COL2A1: variants seen among roughly 807,000 people sequenced by gnomAD.
The protein encoded by COL2A1 is collagen type II alpha 1 chain.
In COL2A1, 28 loss-of-function variants were observed where a neutral mutation model predicts 204.5. The ratio of observed to expected loss-of-function variants is 0.14; its 90% CI spans 0.10 to 0.19. The LOEUF (loss-of-function observed/expected upper bound fraction) is 0.19. Among genes scored for constraint, COL2A1 ranks in the 10% least tolerant of loss-of-function variants. The pLI, the probability that COL2A1 is intolerant of heterozygous loss-of-function variation, is 1.00. For synonymous variants in COL2A1, 708 were observed against 718.7 expected, an observed-to-expected ratio of 0.99 and a Z score of 0.24; for missense variants, 1,388 against 2,027.5, an observed-to-expected ratio of 0.68 and a Z score of 6.06.
Position 47,985,785 on chromosome 12 carries a change from G to A in COL2A1, c.1623C>T (p.Pro541=), listed in dbSNP as rs770713408. ...GGCCAGGGTCACCGTTGGCTCCCTT[G>A]GGGCCAGCAAGACCACTGGGCCCTC... is the stretch of plus-strand genomic sequence containing the variant. The part of the protein sequence containing the change: ...GERGPSGLAG[P]KGANGDPGRP... Residue 541 remains proline, a synonymous_variant, in exon 25 of 54, where the codon CCC becomes CCT. Transcript: ENST00000380518. 2.5e-6 allele frequency: 4 copies of A among 1,613,310 alleles called. No individual in the cohort carries two copies. The African/African-American group carries it at 5.3e-5, about 22-fold the overall frequency.
chr12:47,976,452 T>C lies in COL2A1; in HGVS notation c.3489+62A>G. The stretch of plus-strand genomic sequence containing the variant: ...AGAAGCAGCAGCATTTCCCTCCCCA[T>C]GGGAACACAGGCCCACACTCTCTGA... On this transcript the variant is annotated intron_variant, in intron 49 of 53. Coordinates refer to ENST00000380518, the MANE Select transcript of COL2A1 (RefSeq NM_001844.5). This position sits in a 1 kb window ranked among gnomAD's most constrained non-coding sequence, Gnocchi z 4.3. 6.4e-7 allele frequency: 1 copy of C among 1,568,048 alleles called. No homozygotes were observed. The highest frequency in any genetic ancestry group is 8.8e-7 in the Non-Finnish European group (1 of 1,138,372).
rs762500766 is a variant in COL2A1 at position 47,976,617 on chromosome 12, T to C, written c.3436-50A>G. 6.3e-7 allele frequency: 1 copy of C among 1,588,078 alleles called. No homozygotes were observed. The highest frequency in any genetic ancestry group is 8.6e-7 in the Non-Finnish European group (1 of 1,156,542). ...GCCACGGTCAGCACAGACATATCTA[T>C]CTATATTCTGGGAGCTGGGGGAACA... On this transcript the variant is annotated intron_variant, in intron 48 of 53. Transcript: ENST00000380518. This position sits in a 1 kb window ranked among gnomAD's most constrained non-coding sequence, Gnocchi z 4.3.
At chr12:47,996,711 A>T (rs2136622878) in intron 7 of COL2A1, 86 bp from the exon 8 acceptor site, 1 of 1,010,466 alleles carries the variant, frequency 9.9e-7, no homozygotes. Context: ...GGATACAAAG[A>T]ACTCTACTGA....
At chr12:47,977,205 G>T (rs41272753) in intron 46 of COL2A1, 50 bp from the exon 47 acceptor site, 1 of 1,603,124 alleles carries the variant, frequency 6.2e-7, no homozygotes, top group Non-Finnish European at 8.5e-7. Context: ...ACAGGTGGGG[G>T]CCTCCTCTGC....
chr12:47,974,458 T>C, intron 52 of COL2A1, 127 bp from the exon 53 acceptor site: 5 of 1,372,424 alleles, frequency 3.6e-6, no homozygotes, highest in Non-Finnish European at 5.0e-6. Context: ...GGGAGCTAGT[T>C]GGACATTTTT....
chr12:47,996,765 T>A, intron 7 of COL2A1, 140 bp from the exon 8 acceptor site: 1 of 783,758 alleles, frequency 1.3e-6, no homozygotes. Flanking sequence ...TTGATCAGAA[T>A]TACCACTGAT....
At chr12:47,997,056 T>G (rs2226946) in intron 7 of COL2A1, among the ~76,000 whole-genome samples, 83,776 of 152,010 alleles carry the variant, frequency 0.55, 24,346 homozygotes, top group Non-Finnish European at 0.67. Flanking sequence ...GCATCTGTGA[T>G]CCCATTTGAG....
rs140985224 is a variant in COL2A1 at position 47,987,143 on chromosome 12, G to A, written c.1300C>T (p.Pro434Ser). The change falls in exon 21 of 54, where the codon CCT (proline) becomes TCT (serine). Residue 434 changes from proline to serine, a missense_variant. Physicochemically the swap from Pro to Ser is moderately conservative, Grantham distance 74. Around this residue, in one of 3 missense-constraint regions of COL2A1, gnomAD observed 884 missense variants for 1,415.8 expected, o/e 0.62. Transcript: ENST00000380518. The surrounding 1 kb of genome is among the most constrained non-coding windows in gnomAD (Gnocchi z 4.1). ...GGGCCAGGAGGGCCCCGTGGCCCAG[G>A]GAAGCCAGGAGCACCAGCAATGCCA... is the stretch of plus-strand genomic sequence containing the variant. ...APGIAGAPGFPGPRGPPGPQG... is the reference protein window; with the variant it reads ...APGIAGAPGFSGPRGPPGPQG... 7.4e-4 allele frequency: 1,191 copies of A among 1,614,142 alleles called. 1 individual carries two copies. The highest frequency in any genetic ancestry group is 9.6e-4 in the Non-Finnish European group (1,127 of 1,180,014).
chr12:47,987,497 C>G lies in COL2A1; in HGVS notation c.1221+114G>C, dbSNP rs1427219323. ...TCTAGAGGTGGGGACAGGCATTGGG[C>G]CAGAATGAAGGTTTGGTGGTTGGAG... On this transcript the variant is annotated intron_variant, in intron 19 of 53. Transcript: ENST00000380518. The surrounding 1 kb of genome is among the most constrained non-coding windows in gnomAD (Gnocchi z 4.1). The G allele has an allele frequency of 9.0e-7, 1 of 1,109,592 alleles. No individual in the cohort carries two copies. The highest frequency in any genetic ancestry group is 1.6e-5 in the African/African-American group (1 of 64,470). 68.7% of individuals were successfully genotyped at this position (1,109,592 alleles called of 1,614,324 possible).
At chr12:47,975,724 G>T in intron 50 of COL2A1, 119 bp from the exon 51 acceptor site, 1 of 1,148,502 alleles carries the variant, frequency 8.7e-7, no homozygotes, top group Non-Finnish European at 1.3e-6. Context: ...TGGGGCGGAG[G>T]TGTAGCAGGC....
At position 47,980,920 on chromosome 12, in the gene COL2A1, G is replaced by T; in HGVS notation, c.2512C>A (p.Pro838Thr). 2 of 1,552,690 alleles carry T rather than the reference G, an allele frequency of 1.3e-6. No homozygotes were observed. Among genetic ancestry groups the T allele is most frequent in the Non-Finnish European group, 1.7e-6 (2 of 1,147,672 alleles). ...GGATGGACAGAGATACTCACAGGAG[G>T]CCCAGCAAATCCCGCTGGTCCGGGG... ...GPPGPAGFAG[P>T]PGADGQPGAK... The change falls in exon 38 of 54, where the codon CCT becomes ACT. Residue 838 changes from proline to threonine, a missense_variant. Around this residue, in one of 3 missense-constraint regions of COL2A1, gnomAD observed 884 missense variants for 1,415.8 expected, o/e 0.62. Coordinates refer to ENST00000380518, the MANE Select transcript of COL2A1 (RefSeq NM_001844.5). This position sits in a 1 kb window ranked among gnomAD's most constrained non-coding sequence, Gnocchi z 4.5.
Position 47,976,940 on chromosome 12 carries a change from G to T in COL2A1, c.3328-21C>A, listed in dbSNP as rs952693851. On this transcript the variant is annotated intron_variant, in intron 47 of 53. Transcript: ENST00000380518. The surrounding 1 kb of genome is among the most constrained non-coding windows in gnomAD (Gnocchi z 4.3). ...GGACCCTGGGAACAAGACAGACACC[G>T]ATTGAGTCAGGTCAGGGCCAGGACA... 1.9e-6 allele frequency: 3 copies of T among 1,582,466 alleles called. No individual in the cohort carries two copies. The African/African-American group carries it at 4.0e-5, about 21-fold the overall frequency.
intron 18 of COL2A1, among the ~76,000 whole-genome samples, chr12:47,988,217 G>A (rs888215055): frequency 3.9e-5 from 6 of 152,268 alleles, no homozygotes; most frequent in East Asian, 1.9e-4. Context: ...CCCTGGCTCC[G>A]GCCCCAGTCT....
chr12:47,983,452 T>G lies in COL2A1; in HGVS notation c.1996-14A>C. 6.2e-7 allele frequency: 1 copy of G among 1,613,842 alleles called. No homozygotes were observed. The highest frequency in any genetic ancestry group is 8.5e-7 in the Non-Finnish European group (1 of 1,179,830). ...GCCAGGAAGTCCCTAGAAGCCGAAG[T>G]GACAAGCGTTAGCAAAGGAGTGAGT... On this transcript the variant is annotated splice_polypyrimidine_tract_variant and intron_variant, in intron 30 of 53. Transcript: ENST00000380518.
rs775927882 is a variant in COL2A1, at chr12:47,977,568, A to G, written c.3165+32T>C. 3.1e-6 allele frequency: 5 copies of G among 1,613,360 alleles called. No individual in the cohort carries two copies. In the Admixed American group the frequency reaches 5.0e-5, roughly 16 times the overall value. On this transcript the variant is annotated intron_variant, in intron 45 of 53. Transcript: ENST00000380518. ...CAGGCCCGAGGCAATGTCCTCCCCAACCCACTGCACACACAGACACCAGAC... is the reference window on the plus strand; with the variant it reads ...CAGGCCCGAGGCAATGTCCTCCCCAGCCCACTGCACACACAGACACCAGAC...
At chr12:47,977,562 T>A in intron 45 of COL2A1, 38 bp downstream of exon 45, 1 of 1,613,226 alleles carries the variant, frequency 6.2e-7, no homozygotes, top group Non-Finnish European at 8.5e-7. Context: ...GGCAATGTCC[T>A]CCCCAACCCA....
chr12:47,985,704 G>C (rs1939357198), intron 25 of COL2A1, 24 bp downstream of exon 25: 1 of 1,612,994 alleles, frequency 6.2e-7, no homozygotes, highest in Non-Finnish European at 8.5e-7. Flanking sequence ...TGAAGCCAAG[G>C]GCAACAGCAG....
At chr12:48,004,090 G>C (rs1940359373) in intron 1 of COL2A1, 147 bp downstream of exon 1, 1 of 670,202 alleles carries the variant, frequency 1.5e-6, no homozygotes, top group African/African-American at 1.8e-5. Flanking sequence ...GAACTTCTGC[G>C]TGTCCTGTGC....
rs1565669588 is a variant in COL2A1, at chr12:47,977,097, C to T, written c.3327+5G>A. ...GGACTCAGTGCAGGACACTTGGATA[C>T]TCACCTGGATTCCCCGGGCTCCAGC... On this transcript the variant is annotated splice_donor_5th_base_variant and intron_variant, in intron 47 of 53. Transcript: ENST00000380518. 6.2e-7 allele frequency: 1 copy of T among 1,604,414 alleles called. No individual in the cohort carries two copies. The highest frequency in any genetic ancestry group is 8.5e-7 in the Non-Finnish European group (1 of 1,176,306).
Sources: allele counts gnomAD v4.1 joint callset (sites outside exome capture counted in the v4.1 genomes callset), GRCh38; gene constraint gnomAD v4.1.1; regional missense constraint gnomAD v4.1.1; non-coding constraint Gnocchi (gnomAD v3.1); transcripts MANE v1.5; gene names NCBI Gene and HGNC (gene_info 2026-07-23, HGNC 2026-07-21).